The following NTM variants were observed in gnomAD, a reference collection of about 807,000 sequenced individuals.
NTM encodes the protein neurotrimin.
NTM carries 13 observed loss-of-function variants against 42.1 expected under a neutral mutation model. That is an observed-to-expected ratio of 0.31 (90% CI 0.20 to 0.49). The LOEUF (loss-of-function observed/expected upper bound fraction) is 0.49, where lower values mean the gene tolerates loss of function less well. NTM is among the 20% of genes least tolerant of loss of function. NTM has a pLI of 0.99. For synonymous variants in NTM, 187 were observed against 179.2 expected, an observed-to-expected ratio of 1.04 and a Z score of -0.35; for missense variants, 373 against 452.8, an observed-to-expected ratio of 0.82 and a Z score of 1.60.
chr11:131,378,197 T>C (rs1004418518), intron 1 of NTM, among the ~76,000 whole-genome samples: 2 of 152,214 alleles, frequency 1.3e-5, no homozygotes, highest in Non-Finnish European at 2.9e-5. Flanking sequence ...TGCAGTCAGG[T>C]TGAAAAGTGT....
chr11:131,389,024 A>AAAAAAAAAAAAAAAAAAGAAAAG (rs774146196), intron 1 of NTM, among the ~76,000 whole-genome samples: 1 of 89,906 alleles, frequency 1.1e-5, no homozygotes, highest in Non-Finnish European at 2.1e-5. Flanking sequence ...AAAAAAAAAA[A>AAAAAAAAAAAAAAAAAAGAAAAG]AAAAGAAAAG....
chr11:131,592,638 CACACCCCAA>C (rs2059464139), intron 1 of NTM, among the ~76,000 whole-genome samples: 2 of 131,812 alleles, frequency 1.5e-5, no homozygotes, highest in East Asian at 4.5e-4. Context: ...AATACACACA[CACACCCCAA>C]ACACACACAC....
chr11:131,560,934 C>T (rs2056142261), intron 1 of NTM, among the ~76,000 whole-genome samples: 1 of 152,088 alleles, frequency 6.6e-6, no homozygotes, highest in Non-Finnish European at 1.5e-5. Context: ...CTGTCTTTCC[C>T]ATGCCCCCAG....
At chr11:132,098,167 C>A (rs952597241) in intron 2 of NTM, among the ~76,000 whole-genome samples, 3 of 152,126 alleles carry the variant, frequency 2.0e-5, no homozygotes, top group African/African-American at 7.2e-5. Context: ...GTAGTTATAT[C>A]ATTAGTTTAC....
At chr11:131,496,872 G>T (rs188293799) in intron 1 of NTM, among the ~76,000 whole-genome samples, 3 of 152,158 alleles carry the variant, frequency 2.0e-5, no homozygotes, top group Non-Finnish European at 2.9e-5. Flanking sequence ...GAACAGGCAC[G>T]GAGAGATTTT....
In NTM at chr11:131,586,678, G is replaced by A. The variant is rs187719566; in HGVS notation, c.82+215790G>A. Among the ~76,000 whole-genome samples, 5 of 152,274 alleles carry A rather than the reference G, an allele frequency of 3.3e-5. No individual in the cohort carries two copies. The East Asian group carries it at 9.7e-4, about 29-fold the overall frequency. On this transcript the variant is annotated intron_variant, in intron 1 of 8. Coordinates refer to ENST00000683400, the MANE Select transcript of NTM (RefSeq NM_001352005.2). ...AGAAACTGTGAGATAATAACAGTTT[G>A]TTGTTTTAGGCTGCTTTGTTTGTTA...
chr11:131,582,805 A>T (rs1210297382), intron 1 of NTM, among the ~76,000 whole-genome samples: 1 of 152,082 alleles, frequency 6.6e-6, no homozygotes, highest in Non-Finnish European at 1.5e-5. Flanking sequence ...CACCAAAAAA[A>T]CCCAGCCCCT....
At chr11:132,202,051 A>C (rs2081244055) in intron 3 of NTM, among the ~76,000 whole-genome samples, 1 of 152,192 alleles carries the variant, frequency 6.6e-6, no homozygotes, top group South Asian at 2.1e-4. Flanking sequence ...AAATTATGTA[A>C]TGAATTAGAT....
intron 1 of NTM, chr11:131,911,361 G>A: frequency 6.5e-7 from 1 of 1,534,346 alleles, no homozygotes; most frequent in South Asian, 1.3e-5. Flanking sequence ...GCGCCTCCCG[G>A]TCGCCGCGGG....
chr11:131,758,973 C>A (rs377361655), intron 1 of NTM, among the ~76,000 whole-genome samples: 3 of 152,212 alleles, frequency 2.0e-5, no homozygotes, highest in African/African-American at 7.2e-5. Flanking sequence ...AGTGGGTCAC[C>A]CATTTTTACT....
intron 2 of NTM, among the ~76,000 whole-genome samples, chr11:132,039,682 A>C (rs1184620865): frequency 6.6e-6 from 1 of 152,164 alleles, no homozygotes; most frequent in Non-Finnish European, 1.5e-5. Flanking sequence ...GAGAGGCCCA[A>C]AGGGGGCCTG....
chr11:132,146,826 T>C lies in NTM; in HGVS notation c.400+312T>C. ...TAGTTATTTTTGTTTGTTTGTTTTT[T>C]GTTTTGTTTTGTTTTGTTTTTTAGA... On this transcript the variant is annotated intron_variant, in intron 3 of 8. Coordinates refer to ENST00000683400, the MANE Select transcript of NTM (RefSeq NM_001352005.2). This position sits in a 1 kb window ranked among gnomAD's most constrained non-coding sequence, Gnocchi z 4.5. 1 of 346,794 alleles carries C rather than the reference T, an allele frequency of 2.9e-6. No homozygotes were observed. The highest frequency in any genetic ancestry group is 5.4e-5 in the East Asian group (1 of 18,350). The allele number at this position is 346,794 out of a possible 1,614,324, so 21.5% of individuals were successfully genotyped here. A position where few individuals can be genotyped will look rare whatever the true frequency, so the allele number is the denominator to read the frequency against.
chr11:132,288,455 A>G (rs569689612), intron 4 of NTM, among the ~76,000 whole-genome samples: 4 of 152,174 alleles, frequency 2.6e-5, no homozygotes, highest in Non-Finnish European at 5.9e-5. Context: ...TACTTTTTGA[A>G]TGCATGTTTC....
In NTM at chr11:132,061,933, C is replaced by T. The variant is rs369328261; in HGVS notation, c.168-84349C>T. 7.3e-5 allele frequency among the ~76,000 whole-genome samples: 11 copies of T among 151,610 alleles called. 1 individual carries two copies. The highest frequency in any genetic ancestry group is 3.3e-4 in the Admixed American group (5 of 15,204). ...CACTTAGGAACAAGTGATGTGAGTG[C>T]GTGTGTGTGTGTGGATCAGATAGGG... On this transcript the variant is annotated intron_variant, in intron 2 of 8. Coordinates refer to ENST00000683400, the MANE Select transcript of NTM (RefSeq NM_001352005.2).
chr11:132,175,840 A>C (rs143811650), intron 3 of NTM, among the ~76,000 whole-genome samples: 6 of 152,196 alleles, frequency 3.9e-5, no homozygotes, highest in Admixed American at 1.3e-4. Flanking sequence ...ACCTCATTCT[A>C]TCTCAGGAAA....
chr11:131,478,627 C>G (rs1296928621), intron 1 of NTM, among the ~76,000 whole-genome samples: 1 of 152,074 alleles, frequency 6.6e-6, no homozygotes. Context: ...CTGTGGTTAT[C>G]CAAGCACATT....
chr11:131,824,092 C>G (rs978758008), intron 1 of NTM, among the ~76,000 whole-genome samples: 6 of 152,140 alleles, frequency 3.9e-5, no homozygotes, highest in Admixed American at 3.9e-4. Flanking sequence ...AGCACATCAG[C>G]TGAGGAGTGA....
intron 3 of NTM, among the ~76,000 whole-genome samples, chr11:132,177,201 A>G (rs568956073): frequency 6.6e-6 from 1 of 152,340 alleles, no homozygotes; most frequent in East Asian, 1.9e-4. Flanking sequence ...TAATTGATTT[A>G]TTAAAGACAT....
chr11:131,766,582 C>A (rs546190358), intron 1 of NTM, among the ~76,000 whole-genome samples: 5 of 152,244 alleles, frequency 3.3e-5, no homozygotes, highest in East Asian at 1.9e-4. Flanking sequence ...CAGGCCCCCC[C>A]CTTCTGCTGA....
Sources: gnomAD v4.1 joint callset for allele counts (sites outside exome capture counted in the v4.1 genomes callset) on GRCh38, gnomAD v4.1.1 for gene constraint, Gnocchi (gnomAD v3.1) non-coding constraint, MANE v1.5 for transcripts, NCBI Gene and HGNC (gene_info 2026-07-23, HGNC 2026-07-21) for gene names.